Variants in KLHL4 observed in about 807,000 individuals in gnomAD.
KLHL4 encodes kelch like family member 4, also known as kelch-like protein 4.
Under a neutral mutation model 45.8 loss-of-function variants are expected in KLHL4, and 17 were observed. The observed-to-expected ratio is 0.37, with a 90% CI of 0.25 to 0.56. The LOEUF is 0.56. Ranked by LOEUF, KLHL4 falls within the 20% of genes least tolerant of loss-of-function variation. KLHL4 has a pLI of 0.79. For synonymous variants in KLHL4, 224 were observed against 189.9 expected (o/e 1.18, Z -1.47); for missense variants, 544 against 544.9 (o/e 1.00, Z 0.02).
intron 1 of KLHL4, among the ~76,000 whole-genome samples, chrX:87,527,936 A>G (rs747398092): frequency 4.1e-4 from 46 of 111,260 alleles, no homozygotes; most frequent in African/African-American, 1.0e-3. Context: ...CCAGTAACAG[A>G]TCACTGGAGA....
At chrX:87,637,938 G>A (rs1489833048) in intron 9 of KLHL4, among the ~76,000 whole-genome samples, 1 of 111,273 alleles carries the variant, frequency 9.0e-6, no homozygotes, top group Non-Finnish European at 1.9e-5. Flanking sequence ...AACAGAGCGA[G>A]ACTCCATTGA....
intron 1 of KLHL4, among the ~76,000 whole-genome samples, chrX:87,530,329 T>C (rs1931228243): frequency 9.3e-6 from 1 of 108,007 alleles, no homozygotes; most frequent in African/African-American, 3.4e-5. Context: ...TGCAGGTTAG[T>C]TACATATGTA....
At chrX:87,579,331 T>G (rs1360928071) in intron 1 of KLHL4, among the ~76,000 whole-genome samples, 1 of 111,103 alleles carries the variant, frequency 9.0e-6, no homozygotes, top group Admixed American at 9.6e-5. Flanking sequence ...AGAATAATAA[T>G]AAAGAGTGAG....
chrX:87,653,479 T>C (rs1432362151), intron 9 of KLHL4, among the ~76,000 whole-genome samples: 1 of 111,498 alleles, frequency 9.0e-6, no homozygotes, highest in Non-Finnish European at 1.9e-5. Context: ...CAAGAAACAA[T>C]AGATGCTGGT....
intron 9 of KLHL4, among the ~76,000 whole-genome samples, chrX:87,662,178 C>A (rs949097165): frequency 3.6e-5 from 4 of 111,223 alleles, no homozygotes; most frequent in Non-Finnish European, 7.5e-5. Context: ...ATATAATTTT[C>A]AAAAAGTTAA....
chrX:87,613,615 G>A (rs1424627523), intron 1 of KLHL4, among the ~76,000 whole-genome samples: 1 of 111,397 alleles, frequency 9.0e-6, no homozygotes, highest in Admixed American at 9.6e-5. Context: ...TAGCCCTATT[G>A]GTGAATTGTA....
chrX:87,597,745 C>T (rs978946943), intron 1 of KLHL4, among the ~76,000 whole-genome samples: 36 of 111,329 alleles, frequency 3.2e-4, no homozygotes, highest in African/African-American at 9.1e-4. Context: ...CTATAGAAAG[C>T]GGTAGTCTGT....
At chrX:87,551,347 A>G (rs1251528820) in intron 1 of KLHL4, among the ~76,000 whole-genome samples, 1 of 111,555 alleles carries the variant, frequency 9.0e-6, no homozygotes, top group Non-Finnish European at 1.9e-5. Flanking sequence ...GAAAGAAATC[A>G]TAGATGACAC....
intron 1 of KLHL4, among the ~76,000 whole-genome samples, chrX:87,610,799 C>G (rs1008634692): frequency 9.0e-6 from 1 of 111,526 alleles, no homozygotes; most frequent in African/African-American, 3.3e-5. Context: ...TGTGGCTGAG[C>G]GCAGTGGCTC....
chrX:87,653,095 C>G, intron 9 of KLHL4, among the ~76,000 whole-genome samples: 1 of 111,666 alleles, frequency 9.0e-6, no homozygotes, highest in African/African-American at 3.3e-5. Context: ...CGCCATGATT[C>G]AATTATCTCC....
At chrX:87,524,372 G>A (rs1457128751) in intron 1 of KLHL4, among the ~76,000 whole-genome samples, 1 of 111,559 alleles carries the variant, frequency 9.0e-6, no homozygotes, top group Non-Finnish European at 1.9e-5. Flanking sequence ...CCATAAATAA[G>A]CACAATTATT....
intron 1 of KLHL4, among the ~76,000 whole-genome samples, chrX:87,611,659 C>CATACTCTACT (rs1556033160): frequency 9.8e-5 from 10 of 101,541 alleles, no homozygotes; most frequent in Non-Finnish European, 2.0e-4. Flanking sequence ...GGTTTAAGTA[C>CATACTCTACT]ATACTATACT....
intron 1 of KLHL4, among the ~76,000 whole-genome samples, chrX:87,574,402 G>A (rs1256465928): frequency 1.8e-5 from 2 of 111,306 alleles, no homozygotes; most frequent in Non-Finnish European, 1.9e-5. Context: ...TTTTTCAGGG[G>A]AAATGAAACA....
chrX:87,592,788 T>C (rs1273015103), intron 1 of KLHL4, among the ~76,000 whole-genome samples: 1 of 112,370 alleles, frequency 8.9e-6, no homozygotes, highest in Non-Finnish European at 1.9e-5. Flanking sequence ...TTGAATTGTT[T>C]GAGCATCTTA....
chrX:87,566,040 T>C (rs1932204308), intron 1 of KLHL4, among the ~76,000 whole-genome samples: 1 of 109,659 alleles, frequency 9.1e-6, no homozygotes, highest in Admixed American at 1.0e-4. Flanking sequence ...CGTATACCTA[T>C]GTAACAAACC....
chrX:87,668,960 G>A lies in KLHL4; in HGVS notation c.*2426G>A. ...TGCCCTAGATGAGCTGCCAAAATCTGAGCAGATATGAGCCATCAGAATAGA... is the reference window on the plus strand; with the variant it reads ...TGCCCTAGATGAGCTGCCAAAATCTAAGCAGATATGAGCCATCAGAATAGA... On this transcript the variant is annotated 3_prime_UTR_variant, in exon 11 of 11. Transcript: ENST00000373119. 2 of 764,281 alleles carry A rather than the reference G, an allele frequency of 2.6e-6. No individual in the cohort carries two copies. The highest frequency in any genetic ancestry group is 3.1e-6 in the Non-Finnish European group (2 of 646,126). 63.0% of individuals were successfully genotyped at this position (764,281 alleles called of 1,213,427 possible).
chrX:87,567,815 G>A (rs1266782052), intron 1 of KLHL4, among the ~76,000 whole-genome samples: 1 of 110,032 alleles, frequency 9.1e-6, no homozygotes, highest in Non-Finnish European at 1.9e-5. Flanking sequence ...GAGGGGGAAG[G>A]GAGGGAGGGG....
intron 1 of KLHL4, among the ~76,000 whole-genome samples, chrX:87,606,984 A>G (rs1489353788): frequency 3.6e-5 from 4 of 112,053 alleles, no homozygotes; most frequent in Non-Finnish European, 7.5e-5. Context: ...AAATAATGAC[A>G]ATATTTTGAA....
chrX:87,578,936 A>G lies in KLHL4; in HGVS notation c.423-34941A>G, dbSNP rs187397941. The stretch of plus-strand genomic sequence containing the variant: ...TCTCAGGAGGGAGAGAGAGGAGTGA[A>G]GTGTGCCTCTAACATCCTGGACTTC... On this transcript the variant is annotated intron_variant, in intron 1 of 10. Coordinates refer to ENST00000373119, the MANE Select transcript of KLHL4 (RefSeq NM_019117.5). Among the ~76,000 whole-genome samples the G allele has an allele frequency of 2.3e-4, 26 of 112,284 alleles. No homozygotes were observed. In the East Asian group the frequency reaches 7.3e-3, roughly 32 times the overall value.
Sources: gnomAD v4.1 joint callset for allele counts (sites outside exome capture counted in the v4.1 genomes callset) on GRCh38, gnomAD v4.1.1 for gene constraint, MANE v1.5 for transcripts, NCBI Gene and HGNC (gene_info 2026-07-23, HGNC 2026-07-21) for gene names.